The following MIER1 variants were observed in gnomAD, a reference collection of about 807,000 sequenced individuals.
MIER1 encodes MIER1 transcriptional regulator.
Under a neutral mutation model 75.7 loss-of-function variants are expected in MIER1, and 40 were observed. That is an observed-to-expected ratio of 0.53 (90% CI 0.41 to 0.69). The LOEUF is 0.69. Among genes scored for constraint, MIER1 ranks in the 30% least tolerant of loss-of-function variants. The pLI, the probability that MIER1 is intolerant of heterozygous loss-of-function variation, is 0.00. For missense variants in MIER1, 574 were observed against 680.2 expected (o/e 0.84, Z 1.74); for synonymous variants, 213 against 223.4 (o/e 0.95, Z 0.42).
intron 3 of MIER1, chr1:66,940,270 C>CT (rs35904130): frequency 0.014 from 1,844 of 131,150 alleles, 14 homozygotes; most frequent in African/African-American, 0.025. Context: ...TTTGGGTTTT[C>CT]TTTTTTTTTT....
At chr1:66,976,932 G>A (rs1226799194) in intron 12 of MIER1, among the ~76,000 whole-genome samples, 7 of 152,052 alleles carry the variant, frequency 4.6e-5, no homozygotes, top group Non-Finnish European at 8.8e-5. Context: ...ACTTTTCAGT[G>A]TCTTATGAAA....
At chr1:66,981,691 T>A in intron 12 of MIER1, 88 bp from the exon 13 acceptor site, 2 of 991,194 alleles carry the variant, frequency 2.0e-6, no homozygotes, top group Non-Finnish European at 3.0e-6. Context: ...TTAGGATATA[T>A]TTGTTAAGAA....
chr1:66,955,304 A>G (rs920019011), intron 4 of MIER1, among the ~76,000 whole-genome samples: 1 of 133,302 alleles, frequency 7.5e-6, no homozygotes, highest in Non-Finnish European at 1.6e-5. Context: ...TTTTCAAGGT[A>G]GTCTCATACC....
Position 66,986,351 on chromosome 1 carries a change from C to T in MIER1, c.*1451C>T, listed in dbSNP as rs1666778255. The T allele has an allele frequency of 3.2e-6, 5 of 1,586,980 alleles. 1 individual carries two copies. In the South Asian group the frequency reaches 5.8e-5, roughly 18 times the overall value. Reference sequence around the variant, plus strand: ...TAGTTTTATATAGCTGATAGACCAACCTATATCCAAACTTTTATAAAATAT... The same window carrying T: ...TAGTTTTATATAGCTGATAGACCAATCTATATCCAAACTTTTATAAAATAT... On this transcript the variant is annotated 3_prime_UTR_variant, in exon 14 of 14. Coordinates refer to ENST00000401041, the MANE Select transcript of MIER1 (RefSeq NM_001077700.3).
intron 8 of MIER1, among the ~76,000 whole-genome samples, chr1:66,969,362 C>T (rs559624063): frequency 2.6e-5 from 4 of 151,510 alleles, no homozygotes; most frequent in Non-Finnish European, 4.4e-5. Context: ...CTGGCTAACA[C>T]GGTGAAACTC....
chr1:66,986,138 T>A lies in MIER1; in HGVS notation c.*1238T>A, dbSNP rs999600267. The A allele has an allele frequency of 1.3e-5, 15 of 1,148,592 alleles. No individual in the cohort carries two copies. The highest frequency in any genetic ancestry group is 1.6e-5 in the Non-Finnish European group (15 of 935,536). 71.2% of individuals were successfully genotyped at this position (1,148,592 alleles called of 1,614,324 possible). On this transcript the variant is annotated 3_prime_UTR_variant, in exon 14 of 14. Transcript: ENST00000401041. ...CAGTATCGATTTTATGAAGAGAAAG[T>A]GAAGTTTGAAAACTTTTCAAACTTT...
chr1:66,926,049 C>G (rs1013163874), intron 1 of MIER1, 93 bp from the exon 2 acceptor site: 3 of 965,608 alleles, frequency 3.1e-6, no homozygotes, highest in Non-Finnish European at 4.9e-6. Context: ...TGATTCCCGA[C>G]CATCTTTTTA....
intron 13 of MIER1, among the ~76,000 whole-genome samples, chr1:66,983,523 A>G (rs557242383): frequency 1.7e-4 from 26 of 152,362 alleles, no homozygotes; most frequent in African/African-American, 6.3e-4. Flanking sequence ...AGTCAACTCT[A>G]AAATGAACTT....
intron 13 of MIER1, among the ~76,000 whole-genome samples, chr1:66,982,816 A>T (rs144013480): frequency 6.2e-4 from 95 of 152,330 alleles, no homozygotes; most frequent in Non-Finnish European, 1.2e-3. Flanking sequence ...CTAGGAATAA[A>T]CCAAACAAAC....
Position 66,981,905 on chromosome 1 carries a change from T to C in MIER1, c.1356T>C (p.Thr452=), listed in dbSNP as rs763345140. Residue 452 remains threonine, a synonymous_variant, in exon 13 of 14, where the codon ACT becomes ACC. Transcript: ENST00000401041. ...QSEKEDGTVS[T]ANQNGVSSNG... ...AGAAAGAAGATGGCACTGTAAGCAC[T>C]GCTAATCAAAATGGTAAGCAACCAG... The C allele has an allele frequency of 1.6e-5, 26 of 1,613,826 alleles. No individual in the cohort carries two copies. In the South Asian group the frequency reaches 2.7e-4, roughly 17 times the overall value.
intron 11 of MIER1, among the ~76,000 whole-genome samples, chr1:66,974,108 T>C (rs1272998423): frequency 6.6e-6 from 1 of 152,088 alleles, no homozygotes; most frequent in African/African-American, 2.4e-5. Flanking sequence ...TATTTTTTTT[T>C]TAAGTGGGAA....
At chr1:66,930,096 C>G in intron 2 of MIER1, 1 of 740,134 alleles carries the variant, frequency 1.4e-6, no homozygotes, top group Non-Finnish European at 1.8e-6. Flanking sequence ...ACCTTGACTC[C>G]GCCCCCTCCG....
chr1:66,949,474 T>G (rs1428524908), intron 4 of MIER1, among the ~76,000 whole-genome samples: 1 of 152,102 alleles, frequency 6.6e-6, no homozygotes, highest in Non-Finnish European at 1.5e-5. Context: ...TTTATAGAGA[T>G]AGGGAAAAAA....
rs916783987 is a variant in MIER1 at position 66,986,591 on chromosome 1, C to G, written c.*1691C>G. 7.4e-6 allele frequency: 6 copies of G among 812,266 alleles called. No individual in the cohort carries two copies. The African/African-American group carries it at 8.6e-5, about 12-fold the overall frequency. 50.3% of individuals were successfully genotyped at this position (812,266 alleles called of 1,614,324 possible). A position where few individuals can be genotyped will look rare whatever the true frequency, so the allele number is the denominator to read the frequency against. On this transcript the variant is annotated 3_prime_UTR_variant, in exon 14 of 14. Transcript: ENST00000401041. ...TGAAGTATTACTGTTAACATATGTTCGGACTGCTTCCCTTCACCAATGTGA... is the reference window on the plus strand; with the variant it reads ...TGAAGTATTACTGTTAACATATGTTGGGACTGCTTCCCTTCACCAATGTGA...
intron 8 of MIER1, among the ~76,000 whole-genome samples, chr1:66,966,278 A>G (rs945530724): frequency 8.5e-5 from 13 of 152,286 alleles, no homozygotes; most frequent in African/African-American, 2.6e-4. Flanking sequence ...GAGTGAGAAC[A>G]TGCAGTGTTT....
At chr1:66,947,820 C>G (rs967653608) in intron 4 of MIER1, 1 of 536,244 alleles carries the variant, frequency 1.9e-6, no homozygotes, top group East Asian at 1.5e-4. Context: ...TCTGTTATAG[C>G]CACACTAGCT....
chr1:66,925,585 G>C (rs1469197135), intron 1 of MIER1: 3 of 977,834 alleles, frequency 3.1e-6, no homozygotes, highest in Non-Finnish European at 3.6e-6. Context: ...GTCAGGGAGG[G>C]AGGAGAGACT....
chr1:66,987,414 T>TATCA lies in MIER1; in HGVS notation c.*2515_*2518dup, dbSNP rs1666920713. 1 of 152,612 alleles carries TATCA rather than the reference T, an allele frequency of 6.6e-6. No individual in the cohort carries two copies. The highest frequency in any genetic ancestry group is 2.1e-4 in the South Asian group (1 of 4,832). 9.5% of individuals were successfully genotyped at this position (152,612 alleles called of 1,614,324 possible). A position where few individuals can be genotyped will look rare whatever the true frequency, so the allele number is the denominator to read the frequency against. On this transcript the variant is annotated 3_prime_UTR_variant, in exon 14 of 14. Coordinates refer to ENST00000401041, the MANE Select transcript of MIER1 (RefSeq NM_001077700.3). ...CTCATTCCCACCCCCAACAAAGCAC[T>TATCA]ATCATTTTCATTTGGAATGGGTATT...
chr1:66,981,507 G>A (rs1665877167), intron 12 of MIER1, among the ~76,000 whole-genome samples: 2 of 152,252 alleles, frequency 1.3e-5, no homozygotes, highest in African/African-American at 2.4e-5. Context: ...GGGCCACTCT[G>A]AGCACCTGCC....
Sources: gnomAD v4.1 joint callset for allele counts (sites outside exome capture counted in the v4.1 genomes callset) on GRCh38, gnomAD v4.1.1 for gene constraint, MANE v1.5 for transcripts, NCBI Gene and HGNC (gene_info 2026-07-23, HGNC 2026-07-21) for gene names.